DRC1: variants seen among roughly 807,000 people sequenced by gnomAD.
The protein encoded by DRC1 is dynein regulatory complex protein 1.
DRC1 carries 74 observed loss-of-function variants against 98.7 expected under a neutral mutation model. That is an observed-to-expected ratio of 0.75 (90% CI 0.62 to 0.91). DRC1 has a LOEUF of 0.91. Among genes scored for constraint, DRC1 ranks in the 40% least tolerant of loss-of-function variants. DRC1 has a pLI of 0.00. For missense variants in DRC1, 875 were observed against 886.0 expected, an observed-to-expected ratio of 0.99 and a Z score of 0.16; for synonymous variants, 336 against 334.1, an observed-to-expected ratio of 1.01 and a Z score of -0.06.
At chr2:26,444,167 A>G in intron 8 of DRC1, 55 bp from the exon 9 acceptor site, 1 of 1,609,278 alleles carries the variant, frequency 6.2e-7, no homozygotes, top group East Asian at 2.2e-5. Context: ...GATGAGAGGA[A>G]CATACATAAT....
intron 13 of DRC1, among the ~76,000 whole-genome samples, chr2:26,453,093 C>G (rs1365651569): frequency 1.3e-5 from 2 of 152,156 alleles, no homozygotes; most frequent in Non-Finnish European, 2.9e-5. Context: ...CCTAGGAGCC[C>G]GGATTTAGAA....
In DRC1 at chr2:26,401,981, A is replaced by G; in HGVS notation, c.-9A>G. 6.3e-7 allele frequency: 1 copy of G among 1,594,588 alleles called. No individual in the cohort carries two copies. The highest frequency in any genetic ancestry group is 8.5e-7 in the Non-Finnish European group (1 of 1,171,218). ...GGAGGGAGCCGCCTAGGGACCAGGG[A>G]CTCCTGCCATGAATCCGCCGGGGTC... On this transcript the variant is annotated 5_prime_UTR_variant, in exon 1 of 17. Coordinates refer to ENST00000288710, the MANE Select transcript of DRC1 (RefSeq NM_145038.5).
chr2:26,417,221 A>G (rs952028670), intron 2 of DRC1, among the ~76,000 whole-genome samples: 3 of 152,200 alleles, frequency 2.0e-5, no homozygotes, highest in Admixed American at 6.5e-5. Context: ...GCTCTGTGCC[A>G]ATTCCACTCA....
rs1269628670 is a variant in DRC1 at position 26,455,221 on chromosome 2, T to A, written c.2154T>A (p.Tyr718Ter). 1.2e-6 allele frequency: 2 copies of A among 1,613,326 alleles called. No homozygotes were observed. Among genetic ancestry groups the A allele is most frequent in the South Asian group, 2.2e-5 (2 of 91,052 alleles). The part of the protein sequence containing the change: ...NTELQALLQQ[Y>*]LNSKINSELQ... ...AGCTGCAGGCGCTACTGCAGCAGTA[T>A]CTGAACTCCAAGGTGGGCGGCGGGG... Residue 718 changes from tyrosine (Y) to a stop codon, truncating the protein, a stop_gained, in exon 16 of 17, where the codon TAT (tyrosine) becomes TAA (stop). Coordinates refer to ENST00000288710, the MANE Select transcript of DRC1 (RefSeq NM_145038.5). LOFTEE classifies it high-confidence loss of function.
At chr2:26,429,933 A>C (rs1663389990) in intron 5 of DRC1, among the ~76,000 whole-genome samples, 168 bp downstream of exon 5, 1 of 152,186 alleles carries the variant, frequency 6.6e-6, no homozygotes, top group Non-Finnish European at 1.5e-5. Flanking sequence ...TCATATGACA[A>C]GTACATATCA....
chr2:26,413,175 T>A (rs1678675768), intron 1 of DRC1, among the ~76,000 whole-genome samples: 1 of 152,268 alleles, frequency 6.6e-6, no homozygotes, highest in African/African-American at 2.4e-5. Context: ...CTTTCCCTGC[T>A]GTTAGGTATT....
At chr2:26,413,449 CT>C (rs1322599522) in intron 1 of DRC1, among the ~76,000 whole-genome samples, 15 of 152,180 alleles carry the variant, frequency 9.9e-5, no homozygotes, top group African/African-American at 3.6e-4. Flanking sequence ...CGTTGTTATA[CT>C]TTACATTCCC....
rs146402282 is a variant in DRC1 at position 26,420,912 on chromosome 2, C to T, written c.244-376C>T. On this transcript the variant is annotated intron_variant, in intron 2 of 16. Coordinates refer to ENST00000288710, the MANE Select transcript of DRC1 (RefSeq NM_145038.5). ...CTGAGTAGCTGGGATTACAGGCACC[C>T]GCCACCATGCCTGGCTAATTTTTGA... Among the ~76,000 whole-genome samples the T allele has an allele frequency of 2.7e-3, 417 of 151,980 alleles. 2 individuals are homozygous for T. The highest frequency in any genetic ancestry group is 9.4e-3 in the African/African-American group (391 of 41,466).
chr2:26,429,916 C>T, intron 5 of DRC1, 151 bp downstream of exon 5: 2 of 878,452 alleles, frequency 2.3e-6, no homozygotes, highest in South Asian at 3.8e-5. Context: ...TTTATTTACT[C>T]ATTCATTCAT....
chr2:26,440,312 A>AT, intron 7 of DRC1, 66 bp from the exon 8 acceptor site: 1 of 1,102,870 alleles, frequency 9.1e-7, no homozygotes, highest in Non-Finnish European at 1.2e-6. Context: ...GTGTAGAGTT[A>AT]GTGTGTTTGT....
chr2:26,410,213 G>A (rs531739872), intron 1 of DRC1, among the ~76,000 whole-genome samples: 19 of 148,436 alleles, frequency 1.3e-4, no homozygotes, highest in Middle Eastern at 7.0e-3. Flanking sequence ...AAAATAGAGC[G>A]CAAAGAAAAA....
At chr2:26,452,827 A>G (rs1001564718) in intron 13 of DRC1, among the ~76,000 whole-genome samples, 2 of 152,186 alleles carry the variant, frequency 1.3e-5, no homozygotes, top group Admixed American at 6.5e-5. Context: ...TCAAAACGAG[A>G]AGGAGGAGTA....
At chr2:26,445,041 AG>A in intron 10 of DRC1, 93 bp downstream of exon 10, 1 of 1,294,274 alleles carries the variant, frequency 7.7e-7, no homozygotes. Flanking sequence ...TCTAGGGAGG[AG>A]GGGGAAGAGT....
intron 6 of DRC1, among the ~76,000 whole-genome samples, chr2:26,431,196 C>T (rs2147991896): frequency 6.6e-6 from 1 of 152,296 alleles, no homozygotes; most frequent in East Asian, 1.9e-4. Flanking sequence ...CCTCATGATC[C>T]TCTCGTCTCG....
chr2:26,415,891 C>T (rs2147980964), intron 2 of DRC1, among the ~76,000 whole-genome samples: 2 of 148,510 alleles, frequency 1.3e-5, no homozygotes, highest in African/African-American at 5.0e-5. Context: ...GAGATCAGGC[C>T]ACTGCACTCT....
rs1663414723 is a variant in DRC1, at chr2:26,430,819, G to T, written c.712G>T (p.Ala238Ser). ...TGAGGTGGAACGCCAAGAGCTACTGGCCAGTAATAAGAAGAAATGGGAGCA... is the reference window on the plus strand; with the variant it reads ...TGAGGTGGAACGCCAAGAGCTACTGTCCAGTAATAAGAAGAAATGGGAGCA... Reference protein sequence around the residue: ...AFEVERQELLASNKKKWEQAL... With the variant: ...AFEVERQELLSSNKKKWEQAL... The change falls in exon 6 of 17, where the codon GCC becomes TCC. Residue 238 changes from alanine to serine, a missense_variant. Coordinates refer to ENST00000288710, the MANE Select transcript of DRC1 (RefSeq NM_145038.5). 1 of 1,614,144 alleles carries T rather than the reference G, an allele frequency of 6.2e-7. No homozygotes were observed.
chr2:26,444,755 T>G lies in DRC1; in HGVS notation c.1203T>G (p.Ile401Met). 1.2e-6 allele frequency: 2 copies of G among 1,614,112 alleles called. No individual in the cohort carries two copies. Among genetic ancestry groups the G allele is most frequent in the Non-Finnish European group, 1.7e-6 (2 of 1,180,012 alleles). ...TTGATGATGAGAAGTTTTGGGAGAT[T>G]TGGCTGATGAATGAAGAGGAGGCGA... The part of the protein sequence containing the change: ...ALIDDEKFWE[I>M]WLMNEEEAKD... Residue 401 changes from isoleucine to methionine, a missense_variant, in exon 10 of 17, where the codon ATT becomes ATG. Physicochemically the swap from Ile to Met is conservative, Grantham distance 10. Transcript: ENST00000288710.
chr2:26,422,901 T>TG (rs758652506), intron 3 of DRC1, among the ~76,000 whole-genome samples: 2 of 144,340 alleles, frequency 1.4e-5, no homozygotes, highest in Admixed American at 7.2e-5. Flanking sequence ...GCCTAGGCAA[T>TG]GGGAGTGAAA....
rs546781016 is a variant in DRC1, at chr2:26,443,087, C to T, written c.1029-1135C>T. The stretch of plus-strand genomic sequence containing the variant: ...TTCTTTCTATCAGAGACTAAGGTAA[C>T]GACTTTTTTTGCATTTTCTTGATGA... On this transcript the variant is annotated intron_variant, in intron 8 of 16. Coordinates refer to ENST00000288710, the MANE Select transcript of DRC1 (RefSeq NM_145038.5). 5.9e-5 allele frequency among the ~76,000 whole-genome samples: 9 copies of T among 152,174 alleles called. No homozygotes were observed. In the South Asian group the frequency reaches 1.7e-3, roughly 28 times the overall value.
Sources: gnomAD v4.1 joint callset for allele counts (sites outside exome capture counted in the v4.1 genomes callset) on GRCh38, gnomAD v4.1.1 for gene constraint, MANE v1.5 for transcripts, NCBI Gene and HGNC (gene_info 2026-07-23, HGNC 2026-07-21) for gene names.